The following CDC37 variants were observed in gnomAD, a reference collection of about 807,000 sequenced individuals.
The protein encoded by CDC37 is cell division cycle 37, HSP90 cochaperone.
CDC37 carries 9 observed loss-of-function variants against 46.9 expected under a neutral mutation model. The observed-to-expected ratio is 0.19, with a 90% CI of 0.12 to 0.33. CDC37 has a LOEUF of 0.33. Among genes scored for constraint, CDC37 ranks in the 10% least tolerant of loss-of-function variants. CDC37 has a pLI of 1.00. For synonymous variants in CDC37, 193 were observed against 191.0 expected, an observed-to-expected ratio of 1.01 and a Z score of -0.09; for missense variants, 388 against 514.6, an observed-to-expected ratio of 0.75 and a Z score of 2.38.
chr19:10,400,949 G>A (rs550205878), intron 1 of CDC37, among the ~76,000 whole-genome samples: 1 of 152,188 alleles, frequency 6.6e-6, no homozygotes, highest in African/African-American at 2.4e-5. Context: ...ACAACCTTAT[G>A]GGGTGGACAT....
intron 1 of CDC37, among the ~76,000 whole-genome samples, chr19:10,397,846 A>G (rs1050040660): frequency 5.3e-5 from 8 of 151,740 alleles, no homozygotes; most frequent in African/African-American, 1.9e-4. Flanking sequence ...CCAGCCCCAG[A>G]TGTCACTCCC....
chr19:10,397,536 T>C (rs1017147908), intron 1 of CDC37, among the ~76,000 whole-genome samples: 2 of 151,376 alleles, frequency 1.3e-5, no homozygotes, highest in African/African-American at 2.4e-5. Context: ...TCAGCCTCCT[T>C]AGTAGCTGGG....
rs1377115855 is a variant in CDC37, at chr19:10,395,128, C to G, written c.619G>C (p.Glu207Gln). 6.3e-7 allele frequency: 1 copy of G among 1,593,986 alleles called. No homozygotes were observed. Among genetic ancestry groups the G allele is most frequent in the Admixed American group, 1.7e-5 (1 of 59,284 alleles). The part of the protein sequence containing the change: ...LEVEEKCALM[E>Q]QVAHQTIVMQ... ...ACGATTGTCTGGTGGGCCACCTGCT[C>G]CATGAGTGCACATTTCTGCCAGGAA... Residue 207 changes from glutamate to glutamine, a missense_variant, in exon 5 of 8, where the codon GAG becomes CAG. Physicochemically the swap from Glu to Gln is conservative, Grantham distance 29. Coordinates refer to ENST00000222005, the MANE Select transcript of CDC37 (RefSeq NM_007065.4).
At chr19:10,392,683 T>G in intron 7 of CDC37, 1 of 224,448 alleles carries the variant, frequency 4.5e-6, no homozygotes, top group Admixed American at 5.2e-5. Context: ...GCAGCCTGGG[T>G]GAGAGAGGAA....
chr19:10,397,094 C>T (rs1313129720), intron 1 of CDC37, among the ~76,000 whole-genome samples: 1 of 152,158 alleles, frequency 6.6e-6, no homozygotes, highest in Non-Finnish European at 1.5e-5. Flanking sequence ...CAACCACTAA[C>T]ATCATATGAC....
chr19:10,392,169 AT>A (rs567950910), intron 7 of CDC37, among the ~76,000 whole-genome samples: 5 of 151,712 alleles, frequency 3.3e-5, no homozygotes, highest in Non-Finnish European at 5.9e-5. Context: ...AAGCCAGCAA[AT>A]TTTTTTTTGG....
At chr19:10,399,426 T>G (rs1210165772) in intron 1 of CDC37, among the ~76,000 whole-genome samples, 3 of 127,264 alleles carry the variant, frequency 2.4e-5, no homozygotes, top group African/African-American at 9.4e-5. Flanking sequence ...ATCGCCCCAC[T>G]GCACTCCAGC....
At position 10,403,431 on chromosome 19, in the gene CDC37, C is replaced by T; in HGVS notation, c.49G>A (p.Asp17Asn). The part of the protein sequence containing the change: ...WDHIEVSDDE[D>N]ETHPNIDTAS... ...GTGTCGATGTTGGGGTGCGTCTCGT[C>T]TTCATCATCAGACACCTCAATGTGG... The change falls in exon 1 of 8, where the codon GAC becomes AAC. Residue 17 changes from aspartate to asparagine, a missense_variant. Asp to Asn is a conservative substitution (Grantham distance 23). Transcript: ENST00000222005. 6.2e-7 allele frequency: 1 copy of T among 1,613,694 alleles called. No homozygotes were observed. Among genetic ancestry groups the T allele is most frequent in the Non-Finnish European group, 8.5e-7 (1 of 1,179,970 alleles).
chr19:10,391,952 C>G (rs981596449), intron 7 of CDC37, among the ~76,000 whole-genome samples: 2 of 152,170 alleles, frequency 1.3e-5, no homozygotes, highest in Admixed American at 1.3e-4. Context: ...TTACCGACGC[C>G]TGTCACCATG....
intron 2 of CDC37, 67 bp from the exon 3 acceptor site, chr19:10,395,610 G>A (rs757882736): frequency 6.3e-6 from 8 of 1,270,562 alleles, no homozygotes; most frequent in Non-Finnish European, 9.2e-6. Flanking sequence ...GCGGCCGGGC[G>A]GGCCGTGGTC....
At position 10,395,920 on chromosome 19, in the gene CDC37, C is replaced by A. The variant is rs752056114; in HGVS notation, c.378+8G>T. On this transcript the variant is annotated splice_region_variant and intron_variant, in intron 2 of 7. Coordinates refer to ENST00000222005, the MANE Select transcript of CDC37 (RefSeq NM_007065.4). ...ATGCGCACTGCCCGCCCCGCCCGCC[C>A]CGCACACCTTGCTGAAGCCGTCTTT... 1.9e-6 allele frequency: 3 copies of A among 1,611,040 alleles called. No homozygotes were observed. Among genetic ancestry groups the A allele is most frequent in the South Asian group, 2.2e-5 (2 of 90,920 alleles).
intron 2 of CDC37, 24 bp from the exon 3 acceptor site, chr19:10,395,567 T>G: frequency 6.4e-7 from 1 of 1,571,798 alleles, no homozygotes; most frequent in Non-Finnish European, 8.8e-7. Context: ...AGAGGGGGAG[T>G]GGGCTGGGGC....
intron 1 of CDC37, among the ~76,000 whole-genome samples, chr19:10,401,342 C>T (rs1568356060): frequency 6.6e-6 from 1 of 152,154 alleles, no homozygotes; most frequent in Non-Finnish European, 1.5e-5. Context: ...AGCCCCCTGC[C>T]TCCCTTACAT....
At chr19:10,399,196 TG>T (rs1461864137) in intron 1 of CDC37, among the ~76,000 whole-genome samples, 1 of 151,944 alleles carries the variant, frequency 6.6e-6, no homozygotes, top group Non-Finnish European at 1.5e-5. Flanking sequence ...TGGTCGAGCG[TG>T]GTGGCTCACT....
At chr19:10,399,463 G>GGA (rs1297984577) in intron 1 of CDC37, among the ~76,000 whole-genome samples, 547 of 38,190 alleles carry the variant, frequency 0.014, 9 homozygotes, top group Non-Finnish European at 0.02. Flanking sequence ...GACCCTGTCT[G>GGA]AAAAAAAAAA....
chr19:10,395,207 C>A (rs748148831), intron 4 of CDC37, 21 bp downstream of exon 4: 6 of 1,614,038 alleles, frequency 3.7e-6, no homozygotes, highest in East Asian at 4.5e-5. Flanking sequence ...TTTTCACAGT[C>A]CCGGGGAAAG....
intron 1 of CDC37, 123 bp downstream of exon 1, chr19:10,403,255 A>C (rs1443484533): frequency 6.9e-6 from 5 of 725,672 alleles, no homozygotes; most frequent in Non-Finnish European, 1.2e-5. Context: ...GAAGCTCCTG[A>C]AAATCCAGAC....
At chr19:10,399,931 T>TAAAAAAAAAAAAAAAAAAAAAAAAA (rs56162717) in intron 1 of CDC37, among the ~76,000 whole-genome samples, 3 of 48,336 alleles carry the variant, frequency 6.2e-5, no homozygotes, top group Non-Finnish European at 1.1e-4. Context: ...GACTCCGTCT[T>TAAAAAAAAAAAAAAAAAAAAAAAAA]AAAAAAAAAA....
Position 10,393,584 on chromosome 19 carries a change from G to C in CDC37, c.727-143C>G. On this transcript the variant is annotated intron_variant, in intron 5 of 7. Transcript: ENST00000222005. This position sits in a 1 kb window ranked among gnomAD's most constrained non-coding sequence, Gnocchi z 4.9. ...CTGACCTACATGAAGGGCTCCCCAA[G>C]GCCTGGGCTCCCCCGCCGGGGACCT... The C allele has an allele frequency of 1.2e-6, 1 of 849,226 alleles. No homozygotes were observed. Among genetic ancestry groups the C allele is most frequent in the South Asian group, 1.9e-5 (1 of 52,548 alleles). The allele number at this position is 849,226 out of a possible 1,614,324, so 52.6% of individuals were successfully genotyped here.
Sources: allele counts gnomAD v4.1 joint callset (sites outside exome capture counted in the v4.1 genomes callset), GRCh38; gene constraint gnomAD v4.1.1; non-coding constraint Gnocchi (gnomAD v3.1); transcripts MANE v1.5; gene names NCBI Gene and HGNC (gene_info 2026-07-23, HGNC 2026-07-21).